The following MS4A6E variants were observed in gnomAD, a reference collection of about 807,000 sequenced individuals.
The protein encoded by MS4A6E is membrane-spanning 4-domains subfamily A member 6E.
In MS4A6E, 8 loss-of-function variants were observed where a neutral mutation model predicts 13.2. The observed-to-expected ratio is 0.60, with a 90% CI of 0.35 to 1.09. MS4A6E has a LOEUF of 1.09. Ranked by LOEUF, MS4A6E falls within the 50% of genes least tolerant of loss-of-function variation. MS4A6E has a pLI of 0.02. For missense variants in MS4A6E, 177 were observed against 171.1 expected, an observed-to-expected ratio of 1.03 and a Z score of -0.19; for synonymous variants, 72 against 67.6, an observed-to-expected ratio of 1.06 and a Z score of -0.32.
intron 3 of MS4A6E, 104 bp downstream of exon 3, chr11:60,338,051 G>GCCTTCCTCCAGAT: frequency 8.3e-7 from 1 of 1,198,168 alleles, no homozygotes; most frequent in Non-Finnish European, 1.2e-6. Flanking sequence ...TTCTGGTTTG[G>GCCTTCCTCCAGAT]GCATCTGGAG....
downstream of MS4A6E, among the ~76,000 whole-genome samples, chr11:60,343,499 C>T (rs1006950300): frequency 1.3e-5 from 2 of 152,108 alleles, no homozygotes; most frequent in African/African-American, 4.8e-5. Flanking sequence ...TATCAATTCC[C>T]GGAAAGGTGG....
intron 2 of MS4A6E, chr11:60,335,713 A>G: frequency 2.4e-6 from 1 of 415,180 alleles, no homozygotes; most frequent in Non-Finnish European, 4.7e-6. Context: ...CCTCATGTAC[A>G]ATCATATGGG....
downstream of MS4A6E, among the ~76,000 whole-genome samples, chr11:60,342,320 T>C (rs893500401): frequency 2.6e-5 from 4 of 152,024 alleles, no homozygotes. Flanking sequence ...GCATTGTCAT[T>C]TGTCTGGGGT....
At chr11:60,336,808 A>C (rs2085191376) in intron 2 of MS4A6E, among the ~76,000 whole-genome samples, 2 of 152,138 alleles carry the variant, frequency 1.3e-5, no homozygotes, top group Admixed American at 1.3e-4. Flanking sequence ...TACCTGTAAC[A>C]ATAGCTTTCA....
In MS4A6E at chr11:60,339,982, C is replaced by T. The variant is rs748828386; in HGVS notation, c.*9+18C>T. 2 of 1,611,014 alleles carry T rather than the reference C, an allele frequency of 1.2e-6. No homozygotes were observed. Among genetic ancestry groups the T allele is most frequent in the South Asian group, 2.2e-5 (2 of 91,024 alleles). ...TTCCCTGGGTGAGTGTGCTGGCCAG[C>T]CTCGCTTAATCTTGCCTAGTGTATC... On this transcript the variant is annotated intron_variant, in intron 4 of 4. Transcript: ENST00000684409.
At chr11:60,336,514 G>A (rs2085189540) in intron 2 of MS4A6E, among the ~76,000 whole-genome samples, 3 of 152,280 alleles carry the variant, frequency 2.0e-5, no homozygotes, top group Middle Eastern at 6.8e-3. Flanking sequence ...CAGAGACATC[G>A]AGGCTTTAGT....
chr11:60,341,159 T>C lies in MS4A6E; in HGVS notation c.*393T>C, dbSNP rs1302879558. ...AGGCAAAGGATACAGCTTTTTCTTA[T>C]ACTCCTCAATTGTGAACAGGAGTTA... is the stretch of plus-strand genomic sequence containing the variant. On this transcript the variant is annotated 3_prime_UTR_variant, in exon 5 of 5. Transcript: ENST00000684409. Among the ~76,000 whole-genome samples the C allele has an allele frequency of 6.6e-6, 1 of 152,182 alleles. No homozygotes were observed. The highest frequency in any genetic ancestry group is 2.1e-4 in the South Asian group (1 of 4,832).
Position 60,337,814 on chromosome 11 carries a change from A to C in MS4A6E, c.221A>C (p.Asn74Thr), listed in dbSNP as rs1199290434. 8.1e-6 allele frequency: 13 copies of C among 1,614,040 alleles called. No homozygotes were observed. Among genetic ancestry groups the C allele is most frequent in the East Asian group, 4.5e-5 (2 of 44,896 alleles). Reference sequence around the variant, plus strand: ...GTGGGTTTCATTCTCCTGTCTGTCAACCCGGCTGCATTAAATCCTGCCTCA... The same window carrying C: ...GTGGGTTTCATTCTCCTGTCTGTCACCCCGGCTGCATTAAATCCTGCCTCA... ...ALVGFILLSVNPAALNPASLQ... is the reference protein window; with the variant it reads ...ALVGFILLSVTPAALNPASLQ... The change falls in exon 3 of 5, where the codon AAC (asparagine) becomes ACC (threonine). Residue 74 changes from asparagine to threonine, a missense_variant. Coordinates refer to ENST00000684409, the MANE Select transcript of MS4A6E (RefSeq NM_139249.4).
intron 1 of MS4A6E, among the ~76,000 whole-genome samples, chr11:60,329,188 C>T (rs1216792072): frequency 1.3e-5 from 2 of 151,502 alleles, no homozygotes; most frequent in Non-Finnish European, 2.9e-5. Context: ...GTTCCCCTCC[C>T]TGTGCCCATA....
downstream of MS4A6E, among the ~76,000 whole-genome samples, chr11:60,343,090 T>C (rs898447781): frequency 6.0e-5 from 9 of 151,018 alleles, no homozygotes; most frequent in African/African-American, 2.0e-4. Flanking sequence ...GAAAGGCGTG[T>C]CCGTGTGTGG....
chr11:60,332,995 C>T (rs1168139665), intron 1 of MS4A6E, among the ~76,000 whole-genome samples: 2 of 152,228 alleles, frequency 1.3e-5, no homozygotes, highest in African/African-American at 2.4e-5. Flanking sequence ...GAAAATGTTT[C>T]TTCCTTTCTT....
rs2289610 is a variant in MS4A6E at position 60,341,241 on chromosome 11, T to C, written c.*475T>C. 0.22 allele frequency among the ~76,000 whole-genome samples: 33,042 copies of C among 152,202 alleles called. 3,752 individuals are homozygous for C. The highest frequency in any genetic ancestry group is 0.23 in the Non-Finnish European group (15,918 of 68,012). ...TCACAGGTGCTACTGATTTATCCCATGTATTTTACTCATTAGTGCATAAAG... is the reference window on the plus strand; with the variant it reads ...TCACAGGTGCTACTGATTTATCCCACGTATTTTACTCATTAGTGCATAAAG... On this transcript the variant is annotated 3_prime_UTR_variant, in exon 5 of 5. Coordinates refer to ENST00000684409, the MANE Select transcript of MS4A6E (RefSeq NM_139249.4).
At position 60,334,923 on chromosome 11, in the gene MS4A6E, A is replaced by G. The variant is rs2304934; in HGVS notation, c.28A>G (p.Thr10Ala). 524,454 of 1,610,398 alleles carry G rather than the reference A, an allele frequency of 0.33. 89,867 individuals carry two copies. Among genetic ancestry groups the G allele is most frequent in the Admixed American group, 0.37 (22,428 of 59,994 alleles). Residue 10 changes from threonine to alanine, a missense_variant, in exon 2 of 5, where the codon ACC becomes GCC. Coordinates refer to ENST00000684409, the MANE Select transcript of MS4A6E (RefSeq NM_139249.4). MTSQPISNE[T>A]IIMLPSNVIN... ...GACATCACAACCTATTTCCAATGAG[A>G]CCATCATAATGCTCCCATCAAATGT... is the stretch of plus-strand genomic sequence containing the variant.
intron 1 of MS4A6E, among the ~76,000 whole-genome samples, chr11:60,333,260 CA>C (rs1368760688): frequency 6.6e-6 from 1 of 152,150 alleles, no homozygotes; most frequent in Non-Finnish European, 1.5e-5. Context: ...CTTTCTATCC[CA>C]AGCATTTAAG....
At chr11:60,331,159 C>T (rs377010618) in intron 1 of MS4A6E, among the ~76,000 whole-genome samples, 1 of 152,062 alleles carries the variant, frequency 6.6e-6, no homozygotes, top group East Asian at 1.9e-4. Flanking sequence ...TACTTAATGT[C>T]TAAATACTTA....
Position 60,339,893 on chromosome 11 carries a change from A to C in MS4A6E, c.382A>C (p.Thr128Pro). The C allele has an allele frequency of 6.2e-7, 1 of 1,613,750 alleles. No homozygotes were observed. Among genetic ancestry groups the C allele is most frequent in the South Asian group, 1.1e-5 (1 of 91,074 alleles). Residue 128 changes from threonine to proline, a missense_variant, in exon 4 of 5, where the codon ACT (threonine) becomes CCT (proline). By Grantham distance (38) the Thr-to-Pro change is conservative (BLOSUM62 -1). Transcript: ENST00000684409. ...AGTLSLMLVSTVLEFCLAVLT... is the reference protein window; with the variant it reads ...AGTLSLMLVSPVLEFCLAVLT... Reference sequence around the variant, plus strand: ...AACTCTGTCTCTGATGCTGGTTTCTACTGTGTTGGAGTTCTGCCTAGCTGT... The same window carrying C: ...AACTCTGTCTCTGATGCTGGTTTCTCCTGTGTTGGAGTTCTGCCTAGCTGT...
Position 60,348,201 on chromosome 11 carries a change from A to T in MS4A6E, c.*162+7273A>T, listed in dbSNP as rs76968091. 4.6e-4 allele frequency among the ~76,000 whole-genome samples: 70 copies of T among 152,294 alleles called. 1 individual carries two copies. In the East Asian group the frequency reaches 0.013, roughly 28 times the overall value. On this transcript the variant is annotated intron_variant and NMD_transcript_variant, in intron 4 of 4. Coordinates refer to the MS4A6E transcript ENST00000532756. ...TTTTCCATTCACAGAAGGAGCATAA[A>T]GCCTGGTCTCTTGTGGAGGGGCGCA...
intron 2 of MS4A6E, among the ~76,000 whole-genome samples, chr11:60,336,035 A>C (rs548931781): frequency 4.3e-4 from 65 of 152,340 alleles, no homozygotes; most frequent in African/African-American, 1.6e-3. Flanking sequence ...CTCTGGCTAC[A>C]AAAATCTCCC....
chr11:60,333,098 T>C (rs922379122), intron 1 of MS4A6E, among the ~76,000 whole-genome samples: 1 of 152,264 alleles, frequency 6.6e-6, no homozygotes, highest in Non-Finnish European at 1.5e-5. Context: ...TAGCTTATGC[T>C]GAACATTAGC....
Sources: gnomAD v4.1 joint callset for allele counts (sites outside exome capture counted in the v4.1 genomes callset) on GRCh38, gnomAD v4.1.1 for gene constraint, MANE v1.5 for transcripts, NCBI Gene and HGNC (gene_info 2026-07-23, HGNC 2026-07-21) for gene names.